SDCCAG8: variants seen among roughly 807,000 people sequenced by gnomAD.
The protein encoded by SDCCAG8 is SHH signaling and ciliogenesis regulator SDCCAG8.
Under a neutral mutation model 101.8 loss-of-function variants are expected in SDCCAG8, and 74 were observed. The observed-to-expected ratio is 0.73, with a 90% CI of 0.60 to 0.88. The LOEUF (loss-of-function observed/expected upper bound fraction) is 0.88. SDCCAG8 is among the 40% of genes least tolerant of loss of function. The pLI is 0.00. For missense variants in SDCCAG8, 787 were observed against 822.6 expected (o/e 0.96, Z 0.53); for synonymous variants, 281 against 292.9 (o/e 0.96, Z 0.41).
At chr1:243,303,247 G>T (rs779008738) in intron 6 of SDCCAG8, among the ~76,000 whole-genome samples, 9 of 152,286 alleles carry the variant, frequency 5.9e-5, no homozygotes, top group Admixed American at 2.6e-4. Flanking sequence ...TGGCAGAAGG[G>T]TTCTGATTAT....
intron 13 of SDCCAG8, among the ~76,000 whole-genome samples, chr1:243,407,699 A>T (rs13374290): frequency 0.12 from 17,701 of 152,246 alleles, 1,171 homozygotes; most frequent in African/African-American, 0.16. Flanking sequence ...CCTTGAAAGA[A>T]GTTGACCTCC....
chr1:243,285,275 C>T (rs1297536365), intron 4 of SDCCAG8, among the ~76,000 whole-genome samples: 1 of 152,162 alleles, frequency 6.6e-6, no homozygotes, highest in Non-Finnish European at 1.5e-5. Flanking sequence ...TTCTGATTTC[C>T]TCCTGTAAAT....
chr1:243,262,722 A>G (rs1558198940), intron 1 of SDCCAG8, among the ~76,000 whole-genome samples: 1 of 152,200 alleles, frequency 6.6e-6, no homozygotes, highest in Non-Finnish European at 1.5e-5. Context: ...GGATGTTTAA[A>G]GACTTATGGT....
chr1:243,304,883 G>A (rs575009882), intron 7 of SDCCAG8, 106 bp downstream of exon 7: 10 of 763,136 alleles, frequency 1.3e-5, no homozygotes, highest in Non-Finnish European at 2.1e-5. Context: ...AGACTTACTT[G>A]ATGACATTTT....
chr1:243,434,464 G>A (rs1432965041), intron 16 of SDCCAG8, among the ~76,000 whole-genome samples: 1 of 152,190 alleles, frequency 6.6e-6, no homozygotes, highest in East Asian at 1.9e-4. Flanking sequence ...AGATGTATAT[G>A]TTGCTAGAAA....
intron 17 of SDCCAG8, among the ~76,000 whole-genome samples, chr1:243,498,666 A>G (rs9428575): frequency 0.058 from 8,834 of 152,320 alleles, 840 homozygotes; most frequent in African/African-American, 0.2. Flanking sequence ...GCTGATGTTC[A>G]TATATTTCTC....
Position 243,378,745 on chromosome 1 carries a change from C to G in SDCCAG8, c.1498C>G (p.Leu500Val). The stretch of plus-strand genomic sequence containing the variant: ...GGAAATAGAGAAATTGAGAATAGAA[C>G]TGGATGAAAGCAAACAACACTTGGA... The part of the protein sequence containing the change: ...DQEIEKLRIE[L>V]DESKQHLEQE... The change falls in exon 13 of 18, where the codon CTG becomes GTG. Residue 500 changes from leucine (L) to valine (V), a missense_variant. By Grantham distance (32) the Leu-to-Val change is conservative. Coordinates refer to ENST00000366541, the MANE Select transcript of SDCCAG8 (RefSeq NM_006642.5). 1.9e-6 allele frequency: 3 copies of G among 1,614,030 alleles called. No individual in the cohort carries two copies. Among genetic ancestry groups the G allele is most frequent in the Non-Finnish European group, 2.5e-6 (3 of 1,179,950 alleles).
intron 16 of SDCCAG8, among the ~76,000 whole-genome samples, chr1:243,443,432 A>G (rs1403948537): frequency 6.6e-6 from 1 of 152,164 alleles, no homozygotes; most frequent in African/African-American, 2.4e-5. Flanking sequence ...AAATCACTCA[A>G]TGGGACTTGG....
intron 9 of SDCCAG8, among the ~76,000 whole-genome samples, chr1:243,321,929 G>T (rs893544466): frequency 6.6e-6 from 1 of 152,252 alleles, no homozygotes; most frequent in Non-Finnish European, 1.5e-5. Flanking sequence ...GATTACTGGC[G>T]TGAGCCACCA....
At chr1:243,403,732 T>A (rs2079559521) in intron 13 of SDCCAG8, among the ~76,000 whole-genome samples, 2 of 152,210 alleles carry the variant, frequency 1.3e-5, no homozygotes, top group Admixed American at 1.3e-4. Flanking sequence ...TAATGCTTGA[T>A]GATCTGTCAC....
chr1:243,428,470 G>A (rs2081491704), intron 16 of SDCCAG8, among the ~76,000 whole-genome samples: 2 of 152,116 alleles, frequency 1.3e-5, no homozygotes, highest in South Asian at 4.1e-4. Flanking sequence ...TGAACTGTTT[G>A]GGCCCATTTA....
At chr1:243,459,659 G>A (rs1056410194) in intron 16 of SDCCAG8, among the ~76,000 whole-genome samples, 5 of 152,222 alleles carry the variant, frequency 3.3e-5, no homozygotes. Flanking sequence ...GCAGGTTGGA[G>A]TGCAGTGGCA....
chr1:243,365,882 A>G (rs2076964487), intron 12 of SDCCAG8, among the ~76,000 whole-genome samples: 1 of 152,090 alleles, frequency 6.6e-6, no homozygotes, highest in Non-Finnish European at 1.5e-5. Context: ...TTCCATCTGA[A>G]GCATATGTAG....
chr1:243,373,914 G>A (rs567731338), intron 12 of SDCCAG8, among the ~76,000 whole-genome samples: 59 of 151,924 alleles, frequency 3.9e-4, no homozygotes, highest in Non-Finnish European at 4.9e-4. Flanking sequence ...CTGTATTTGA[G>A]GAAAACCTAC....
chr1:243,340,738 A>C (rs1468579071), intron 10 of SDCCAG8, among the ~76,000 whole-genome samples: 3 of 152,316 alleles, frequency 2.0e-5, no homozygotes, highest in South Asian at 2.1e-4. Context: ...CTGTTTCATA[A>C]CTTAATTGGG....
At chr1:243,260,443 A>T (rs1263910154) in intron 1 of SDCCAG8, among the ~76,000 whole-genome samples, 1 of 152,244 alleles carries the variant, frequency 6.6e-6, no homozygotes, top group Non-Finnish European at 1.5e-5. Flanking sequence ...ACATCGTTGT[A>T]TAAAGCCAAG....
rs998231305 is a variant in SDCCAG8 at position 243,415,764 on chromosome 1, C to T, written c.1679C>T (p.Ala560Val). The T allele has an allele frequency of 6.2e-7, 1 of 1,613,784 alleles. No homozygotes were observed. Among genetic ancestry groups the T allele is most frequent in the East Asian group, 2.2e-5 (1 of 44,874 alleles). The change falls in exon 14 of 18, where the codon GCC (alanine) becomes GTC (valine). Residue 560 changes from alanine (A) to valine (V), a missense_variant. Physicochemically the swap from Ala to Val is moderately conservative, Grantham distance 64 (BLOSUM62 0). Transcript: ENST00000366541. ...GAAGCAAAGGCCCAAGCCCTTCAGG[C>T]CCAGCAAAGAGAGCAGGAGCTGACA... ...SKEAKAQALQ[A>V]QQREQELTQK...
chr1:243,267,863 A>G, intron 1 of SDCCAG8: 1 of 1,150,290 alleles, frequency 8.7e-7, no homozygotes, highest in Non-Finnish European at 1.3e-6. Context: ...TGACTGCACT[A>G]AGTCCAGTTT....
intron 4 of SDCCAG8, among the ~76,000 whole-genome samples, chr1:243,283,146 C>T (rs1176738600): frequency 1.3e-5 from 2 of 152,080 alleles, no homozygotes; most frequent in Non-Finnish European, 1.5e-5. Flanking sequence ...CCGCACCCGG[C>T]CTGATTTTTG....
Sources: gnomAD v4.1 joint callset for allele counts (sites outside exome capture counted in the v4.1 genomes callset) on GRCh38, gnomAD v4.1.1 for gene constraint, MANE v1.5 for transcripts, NCBI Gene and HGNC (gene_info 2026-07-23, HGNC 2026-07-21) for gene names.